The following TFEC variants were observed in gnomAD, a reference collection of about 807,000 sequenced individuals.
The protein encoded by TFEC is class E basic helix-loop-helix protein 34.
TFEC carries 31 observed loss-of-function variants against 41.6 expected under a neutral mutation model. The ratio of observed to expected loss-of-function variants is 0.74; its 90% CI spans 0.56 to 1.01. TFEC has a LOEUF of 1.01. Ranked by LOEUF, TFEC falls within the 50% of genes least tolerant of loss-of-function variation. The pLI is 0.00. For synonymous variants in TFEC, 143 were observed against 140.6 expected (o/e 1.02, Z -0.12); for missense variants, 402 against 404.1 (o/e 0.99, Z 0.04).
At chr7:115,997,786 G>A (rs1460271672) in intron 1 of TFEC, among the ~76,000 whole-genome samples, 1 of 151,998 alleles carries the variant, frequency 6.6e-6, no homozygotes, top group Non-Finnish European at 1.5e-5. Flanking sequence ...AAATTCTGGA[G>A]GTTAAAAGTT....
At chr7:115,969,936 T>C (rs1334935735) in intron 3 of TFEC, among the ~76,000 whole-genome samples, 1 of 151,958 alleles carries the variant, frequency 6.6e-6, no homozygotes, top group Admixed American at 6.6e-5. Context: ...TTCTTTCACA[T>C]CAACTAAAAG....
intron 1 of TFEC, among the ~76,000 whole-genome samples, chr7:116,127,374 C>T (rs561538633): frequency 2.6e-5 from 4 of 152,118 alleles, no homozygotes; most frequent in Non-Finnish European, 5.9e-5. Flanking sequence ...TGAGCCACCG[C>T]GCCCAGCCTG....
chr7:116,117,571 A>G (rs770889668), intron 1 of TFEC: 20 of 151,840 alleles, frequency 1.3e-4, no homozygotes, highest in Non-Finnish European at 2.4e-4. Flanking sequence ...GATGGAGCCA[A>G]AATTAAAACA....
At chr7:115,948,639 A>T (rs1791747185) in intron 6 of TFEC, among the ~76,000 whole-genome samples, 2 of 151,920 alleles carry the variant, frequency 1.3e-5, no homozygotes, top group Non-Finnish European at 2.9e-5. Flanking sequence ...CCTTTGACAA[A>T]ATTCAACAAC....
rs749318623 is a variant in TFEC at position 115,939,247 on chromosome 7, T to A, written c.*1304A>T. On this transcript the variant is annotated 3_prime_UTR_variant, in exon 8 of 8. Coordinates refer to ENST00000265440, the MANE Select transcript of TFEC (RefSeq NM_012252.4). ...TCAGGACTCACTGCAGTTCTGAGTATGCCTCCATGAATACTCATTGATCGG... is the reference window on the plus strand; with the variant it reads ...TCAGGACTCACTGCAGTTCTGAGTAAGCCTCCATGAATACTCATTGATCGG... 1.2e-4 allele frequency: 18 copies of A among 152,044 alleles called. No individual in the cohort carries two copies. Among genetic ancestry groups the A allele is most frequent in the Admixed American group, 1.1e-3 (16 of 15,238 alleles). 9.4% of individuals were successfully genotyped at this position (152,044 alleles called of 1,614,324 possible).
intron 1 of TFEC, among the ~76,000 whole-genome samples, chr7:116,025,635 T>C (rs760905350): frequency 2.6e-5 from 4 of 152,122 alleles, no homozygotes; most frequent in Non-Finnish European, 5.9e-5. Flanking sequence ...ACATGTCAAG[T>C]TGGTAGCAAG....
intron 1 of TFEC, among the ~76,000 whole-genome samples, chr7:116,124,666 A>G (rs918445920): frequency 2.0e-5 from 3 of 152,156 alleles, no homozygotes; most frequent in Non-Finnish European, 4.4e-5. Flanking sequence ...CTAGGTCTCC[A>G]GTAAAATAAT....
At chr7:116,141,027 T>C (rs1798530257) in intron 1 of TFEC, among the ~76,000 whole-genome samples, 7 of 152,180 alleles carry the variant, frequency 4.6e-5, no homozygotes, top group Admixed American at 4.6e-4. Flanking sequence ...AAAATTCTCT[T>C]ATAATGTCTA....
chr7:116,153,093 A>T (rs540353316), intron 1 of TFEC, among the ~76,000 whole-genome samples: 1 of 152,208 alleles, frequency 6.6e-6, no homozygotes, highest in Non-Finnish European at 1.5e-5. Context: ...CAATGCCTCA[A>T]ATAAAAATTA....
Position 116,042,383 on chromosome 7 carries a change from C to T in TFEC, c.199-57870G>A, listed in dbSNP as rs572869484. ...GTAGATAATTTTGACCAGATATTGA[C>T]GAAAAGAGAAGTTATATGAGATAGG... On this transcript the variant is annotated intron_variant, in intron 3 of 8. Transcript: ENST00000484212. Among the ~76,000 whole-genome samples the T allele has an allele frequency of 1.5e-3, 221 of 152,134 alleles. 1 individual carries two copies. Among genetic ancestry groups the T allele is most frequent in the Admixed American group, 5.1e-3 (78 of 15,264 alleles).
rs77155359 is a variant in TFEC at position 116,059,110 on chromosome 7, G to A, written c.198+51598C>T. On this transcript the variant is annotated intron_variant, in intron 3 of 8. Coordinates refer to the TFEC transcript ENST00000484212. ...ATTCTTTAAGAAAATCAATAACATC[G>A]ACACTCTTTTAGCAAGATCATAAAG... Among the ~76,000 whole-genome samples, 826 of 151,610 alleles carry A rather than the reference G, an allele frequency of 5.4e-3. 2 individuals are homozygous for A. The highest frequency in any genetic ancestry group is 9.2e-3 in the Non-Finnish European group (623 of 67,648).
At chr7:115,956,554 T>G (rs1792241367) in intron 4 of TFEC, 125 bp downstream of exon 4, 2 of 530,192 alleles carry the variant, frequency 3.8e-6, no homozygotes, top group South Asian at 7.2e-5. Flanking sequence ...ATGAATTTAC[T>G]GTCTGCCTTC....
intron 1 of TFEC, among the ~76,000 whole-genome samples, chr7:116,137,425 G>A (rs960733757): frequency 8.6e-5 from 13 of 151,976 alleles, no homozygotes; most frequent in African/African-American, 2.2e-4. Flanking sequence ...GTTGCTTTTC[G>A]GCATTGTTTT....
At chr7:115,949,594 T>C (rs1791815892) in intron 6 of TFEC, among the ~76,000 whole-genome samples, 1 of 151,964 alleles carries the variant, frequency 6.6e-6, no homozygotes, top group African/African-American at 2.4e-5. Context: ...AAACAAGCAA[T>C]GGGGAAAGGA....
At position 116,131,689 on chromosome 7, in the gene TFEC, A is replaced by C. The variant is rs575626037; in HGVS notation, c.-68-19651T>G. The stretch of plus-strand genomic sequence containing the variant: ...TTCTAGCTAACATGAGTGTACTTGA[A>C]AAAAAATTGTTTCCTCAAGTATTGT... On this transcript the variant is annotated intron_variant, in intron 1 of 8. Transcript: ENST00000484212. Among the ~76,000 whole-genome samples, 3 of 152,142 alleles carry C rather than the reference A, an allele frequency of 2.0e-5. No homozygotes were observed. The East Asian group carries it at 5.8e-4, about 29-fold the overall frequency.
In TFEC at chr7:115,984,261, C is replaced by T. The variant is rs562729310; in HGVS notation, c.180+1G>A. The T allele has an allele frequency of 1.2e-6, 2 of 1,612,728 alleles. No individual in the cohort carries two copies. Among genetic ancestry groups the T allele is most frequent in the South Asian group, 1.1e-5 (1 of 91,010 alleles). ...TTTTTATAACCAGCCATTAGACATA[C>T]ATGCCATTGTGCATTGTCATCTTCT... is the stretch of plus-strand genomic sequence containing the variant. On this transcript the variant is annotated splice_donor_variant, in intron 2 of 7. Coordinates refer to ENST00000265440, the MANE Select transcript of TFEC (RefSeq NM_012252.4). LOFTEE classifies it high-confidence loss of function.
chr7:116,128,585 TCTAGA>T (rs1276033422), intron 1 of TFEC, among the ~76,000 whole-genome samples: 1 of 152,172 alleles, frequency 6.6e-6, no homozygotes, highest in Non-Finnish European at 1.5e-5. Context: ...AAACTAAAAC[TCTAGA>T]CTAGTGCTTC....
intron 1 of TFEC, among the ~76,000 whole-genome samples, chr7:116,003,501 G>T (rs952516742): frequency 4.0e-5 from 6 of 151,878 alleles, no homozygotes. Flanking sequence ...AAAAACACAG[G>T]GAACGGCAAG....
In TFEC at chr7:115,949,388, C is replaced by T. The variant is rs369881829; in HGVS notation, c.515+1486G>A. On this transcript the variant is annotated intron_variant, in intron 6 of 7. Transcript: ENST00000265440. ...TGGAACCAAAAAAGAGCCTACATCGCCAAGTCAATCCTAAGCCAAAAGAAC... is the reference window on the plus strand; with the variant it reads ...TGGAACCAAAAAAGAGCCTACATCGTCAAGTCAATCCTAAGCCAAAAGAAC... Among the ~76,000 whole-genome samples, 214 of 152,222 alleles carry T rather than the reference C, an allele frequency of 1.4e-3. 4 individuals carry two copies. In the East Asian group the frequency reaches 0.034, roughly 24 times the overall value.
Sources: gnomAD v4.1 joint callset for allele counts (sites outside exome capture counted in the v4.1 genomes callset) on GRCh38, gnomAD v4.1.1 for gene constraint, MANE v1.5 for transcripts, NCBI Gene and HGNC (gene_info 2026-07-23, HGNC 2026-07-21) for gene names.